Variants in MGST1 observed in about 807,000 individuals in gnomAD.
MGST1 encodes the protein microsomal glutathione S-transferase 1.
Under a neutral mutation model 8.9 loss-of-function variants are expected in MGST1, and 5 were observed. The observed-to-expected ratio is 0.56, with a 90% confidence interval of 0.29 to 1.19. The LOEUF is 1.19. MGST1 is among the 50% of genes most tolerant of loss of function. The pLI, the probability that MGST1 is intolerant of heterozygous loss-of-function variation, is 0.08. For synonymous variants in MGST1, 54 were observed against 67.8 expected (o/e 0.80, Z 1.00); for missense variants, 182 against 187.4 (o/e 0.97, Z 0.17).
intron 4 of MGST1, among the ~76,000 whole-genome samples, chr12:16,540,679 C>G (rs1326525959): frequency 6.6e-6 from 1 of 152,152 alleles, no homozygotes; most frequent in African/African-American, 2.4e-5. Flanking sequence ...GCCTGTAATG[C>G]CAGCACTTTG....
chr12:16,370,191 G>T (rs1940268051), intron 3 of MGST1: 1 of 152,158 alleles, frequency 6.6e-6, no homozygotes, highest in South Asian at 2.1e-4. Context: ...GAGAGCAATA[G>T]TTACAAACTA....
intron 4 of MGST1, among the ~76,000 whole-genome samples, chr12:16,485,624 T>A (rs1591742554): frequency 6.6e-6 from 1 of 152,198 alleles, no homozygotes; most frequent in East Asian, 1.9e-4. Context: ...GGAACTCCAA[T>A]AATTAATTTA....
At position 16,361,214 on chromosome 12, in the gene MGST1, C is replaced by T. The variant is rs1014759337; in HGVS notation, c.222-2581C>T. Reference sequence around the variant, plus strand: ...TGAAGAGCTTTGGCTGAGATGAGGGCGTCAGGAAAAGCCTGCTGTGCAGCT... The same window carrying T: ...TGAAGAGCTTTGGCTGAGATGAGGGTGTCAGGAAAAGCCTGCTGTGCAGCT... On this transcript the variant is annotated intron_variant, in intron 3 of 3. Transcript: ENST00000396210. This position sits in a 1 kb window ranked among gnomAD's most constrained non-coding sequence, Gnocchi z 4.2. Among the ~76,000 whole-genome samples, 3 of 152,134 alleles carry T rather than the reference C, an allele frequency of 2.0e-5. No individual in the cohort carries two copies. Among genetic ancestry groups the T allele is most frequent in the Non-Finnish European group, 4.4e-5 (3 of 68,038 alleles).
chr12:16,497,124 G>GATTAAAAAATATTT lies in MGST1; in HGVS notation n.483-92403_483-92402insTTAAAAAATATTTA, dbSNP rs1941475682. ...TCCTATGCCAGAAGGGAAAAGATGA[G>GATTAAAAAATATTT]AACCACTGAATCTGCATCCTTTGCT... On this transcript the variant is annotated intron_variant and non_coding_transcript_variant, in intron 4 of 4. Coordinates refer to the MGST1 transcript ENST00000538857. The surrounding 1 kb of genome is among the most constrained non-coding windows in gnomAD (Gnocchi z 4.4). 6.6e-6 allele frequency among the ~76,000 whole-genome samples: 1 copy of GATTAAAAAATATTT among 152,142 alleles called. No individual in the cohort carries two copies. Among genetic ancestry groups the GATTAAAAAATATTT allele is most frequent in the Non-Finnish European group, 1.5e-5 (1 of 68,012 alleles).
At chr12:16,518,195 G>T (rs1166544052) in intron 4 of MGST1, among the ~76,000 whole-genome samples, 3 of 152,120 alleles carry the variant, frequency 2.0e-5, no homozygotes, top group East Asian at 1.9e-4. Context: ...CTCCAACTCT[G>T]CTATTCAGTG....
intron 1 of MGST1, among the ~76,000 whole-genome samples, chr12:16,385,178 C>T (rs1443736069): frequency 1.3e-5 from 2 of 152,140 alleles, no homozygotes; most frequent in Non-Finnish European, 2.9e-5. Context: ...AACTAAAGAT[C>T]GCCTCCCCAG....
At chr12:16,390,641 T>A (rs1266130811) in intron 1 of MGST1, among the ~76,000 whole-genome samples, 1 of 152,226 alleles carries the variant, frequency 6.6e-6, no homozygotes, top group Non-Finnish European at 1.5e-5. Context: ...TTCTTATTCC[T>A]TTTTATGGCT....
chr12:16,478,193 C>A (rs1192848503), intron 4 of MGST1, among the ~76,000 whole-genome samples: 2 of 152,116 alleles, frequency 1.3e-5, no homozygotes, highest in East Asian at 3.9e-4. Flanking sequence ...CCACGCCCAG[C>A]TAATTTTTGT....
chr12:16,420,109 A>C (rs190488319), intron 1 of MGST1, among the ~76,000 whole-genome samples: 12 of 152,308 alleles, frequency 7.9e-5, no homozygotes, highest in Non-Finnish European at 1.5e-4. Context: ...GTTTAGCTTT[A>C]CATATATGAA....
At chr12:16,488,065 G>A (rs958062604) in intron 4 of MGST1, among the ~76,000 whole-genome samples, 4 of 152,150 alleles carry the variant, frequency 2.6e-5, no homozygotes, top group Non-Finnish European at 4.4e-5. Context: ...AAGTTATTTA[G>A]AGATATTGCA....
In MGST1 at chr12:16,497,088, G is replaced by T. The variant is rs1053272589; in HGVS notation, n.483-92440G>T. The stretch of plus-strand genomic sequence containing the variant: ...AAGCTTTGTCTTCTTAGAAGAGAAA[G>T]AAATATTTAATCCTATGCCAGAAGG... On this transcript the variant is annotated intron_variant and non_coding_transcript_variant, in intron 4 of 4. Transcript: ENST00000538857. This position sits in a 1 kb window ranked among gnomAD's most constrained non-coding sequence, Gnocchi z 4.4. 5.3e-5 allele frequency among the ~76,000 whole-genome samples: 8 copies of T among 152,092 alleles called. No homozygotes were observed. The highest frequency in any genetic ancestry group is 1.5e-5 in the Non-Finnish European group (1 of 67,990).
At chr12:16,424,506 T>C (rs185351491) in intron 1 of MGST1, among the ~76,000 whole-genome samples, 2 of 152,198 alleles carry the variant, frequency 1.3e-5, no homozygotes, top group Non-Finnish European at 2.9e-5. Flanking sequence ...GAAATTTTTC[T>C]TTTCCTCTAA....
intron 4 of MGST1, among the ~76,000 whole-genome samples, chr12:16,463,252 C>T (rs545278597): frequency 3.3e-5 from 5 of 152,138 alleles, no homozygotes; most frequent in Non-Finnish European, 5.9e-5. Context: ...TATCATGGCT[C>T]GGCTCACTGT....
At chr12:16,400,669 G>T in intron 1 of MGST1, 1 of 1,498,760 alleles carries the variant, frequency 6.7e-7, no homozygotes, top group South Asian at 1.1e-5. Flanking sequence ...TAGGAAAGAT[G>T]TTGCCTTCAT....
intron 4 of MGST1, among the ~76,000 whole-genome samples, chr12:16,495,970 A>T (rs1387684909): frequency 6.6e-6 from 1 of 152,104 alleles, no homozygotes; most frequent in Non-Finnish European, 1.5e-5. Flanking sequence ...TATTTATATG[A>T]CAAAAATATG....
intron 4 of MGST1, among the ~76,000 whole-genome samples, chr12:16,516,509 G>A (rs146329114): frequency 1.4e-3 from 207 of 152,272 alleles, no homozygotes; most frequent in African/African-American, 5.0e-3. Flanking sequence ...TCAAAATTGG[G>A]CAAGTTTCTT....
chr12:16,570,811 C>T (rs1942789326), intron 4 of MGST1, among the ~76,000 whole-genome samples: 1 of 152,116 alleles, frequency 6.6e-6, no homozygotes, highest in Admixed American at 6.6e-5. Flanking sequence ...AATCACTTAC[C>T]TTGAATAGGT....
At chr12:16,510,139 G>A (rs903578677) in intron 4 of MGST1, among the ~76,000 whole-genome samples, 17 of 152,162 alleles carry the variant, frequency 1.1e-4, no homozygotes, top group African/African-American at 3.4e-4. Context: ...TGACTTCTAC[G>A]TCGTGCAGTT....
chr12:16,530,370 T>C (rs1462496515), intron 4 of MGST1, among the ~76,000 whole-genome samples: 1 of 152,150 alleles, frequency 6.6e-6, no homozygotes, highest in African/African-American at 2.4e-5. Context: ...ACACTACTGG[T>C]ATCTCTGCTT....
Sources: allele counts gnomAD v4.1 joint callset (sites outside exome capture counted in the v4.1 genomes callset), GRCh38; gene constraint gnomAD v4.1.1; non-coding constraint Gnocchi (gnomAD v3.1); transcripts MANE v1.5; gene names NCBI Gene and HGNC (gene_info 2026-07-23, HGNC 2026-07-21).